The following PACS2 variants were observed in gnomAD, a reference collection of about 807,000 sequenced individuals.
PACS2 encodes the protein PACS1-like protein.
Under a neutral mutation model 113.0 loss-of-function variants are expected in PACS2, and 36 were observed. The observed-to-expected ratio is 0.32, with a 90% CI of 0.24 to 0.42. The LOEUF is 0.42. Ranked by LOEUF, PACS2 falls within the 10% of genes least tolerant of loss-of-function variation. The pLI is 1.00. For synonymous variants in PACS2, 589 were observed against 536.1 expected (o/e 1.10, Z -1.36); for missense variants, 1,015 against 1,239.5 (o/e 0.82, Z 2.72).
intron 1 of PACS2, among the ~76,000 whole-genome samples, chr14:105,331,353 C>T (rs868859915): frequency 1.3e-5 from 2 of 152,204 alleles, no homozygotes; most frequent in African/African-American, 4.8e-5. Flanking sequence ...GTGTTTATTA[C>T]GTATTTCCTC....
intron 1 of PACS2, among the ~76,000 whole-genome samples, chr14:105,328,724 G>A (rs1414260866): frequency 6.6e-6 from 1 of 152,182 alleles, no homozygotes. Context: ...TGGCAGCGGC[G>A]TCATTAGGAT....
intron 3 of PACS2, among the ~76,000 whole-genome samples, chr14:105,353,743 G>C (rs587667801): frequency 1.3e-5 from 2 of 152,068 alleles, no homozygotes; most frequent in East Asian, 2.0e-4. Context: ...ACAGGCATGT[G>C]CCACCACGCC....
upstream of PACS2, among the ~76,000 whole-genome samples, chr14:105,311,401 G>A (rs1301267033): frequency 1.3e-5 from 2 of 152,108 alleles, no homozygotes; most frequent in South Asian, 2.1e-4. Context: ...TCACAGATGC[G>A]CACCACCATG....
At chr14:105,328,464 C>T (rs1262362087) in intron 1 of PACS2, among the ~76,000 whole-genome samples, 3 of 152,200 alleles carry the variant, frequency 2.0e-5, no homozygotes, top group African/African-American at 4.8e-5. Flanking sequence ...ACGCTCCAGC[C>T]GCTGGGCCCA....
rs587680274 is a variant in PACS2, at chr14:105,348,548, C to T, written c.175C>T (p.Leu59=). The T allele has an allele frequency of 4.3e-6, 7 of 1,612,328 alleles. No homozygotes were observed. The East Asian group carries it at 1.6e-4, about 36-fold the overall frequency. The change falls in exon 2 of 25, where the codon CTG becomes TTG. Residue 59 remains leucine, a synonymous_variant. Coordinates refer to ENST00000447393, the MANE Select transcript of PACS2 (RefSeq NM_001100913.3). This position sits in a 1 kb window ranked among gnomAD's most constrained non-coding sequence, Gnocchi z 6.4. The part of the protein sequence containing the change: ...LVVFKELEKE[L]ISVVIAVKMQ... Reference sequence around the variant, plus strand: ...GGTCTTCAAGGAGCTGGAGAAGGAGCTGATCTCCGTGGTGATCGCTGTCAA... The same window carrying T: ...GGTCTTCAAGGAGCTGGAGAAGGAGTTGATCTCCGTGGTGATCGCTGTCAA...
At chr14:105,353,975 G>A (rs1031464308) in intron 3 of PACS2, among the ~76,000 whole-genome samples, 16 of 152,026 alleles carry the variant, frequency 1.1e-4, no homozygotes, top group Non-Finnish European at 2.2e-4. Context: ...ACTTCGGGAG[G>A]CCGAGGTAGG....
rs1555411520 is a variant in PACS2, at chr14:105,380,063, C to T, written c.1051-17C>T. 2 of 1,550,402 alleles carry T rather than the reference C, an allele frequency of 1.3e-6. No homozygotes were observed. The highest frequency in any genetic ancestry group is 1.7e-6 in the Non-Finnish European group (2 of 1,146,242). Reference sequence around the variant, plus strand: ...CTGCAGTTGAGCACAAGCTGATTCCCATCTCCTCCCCCACAGGCTGACGTG... The same window carrying T: ...CTGCAGTTGAGCACAAGCTGATTCCTATCTCCTCCCCCACAGGCTGACGTG... On this transcript the variant is annotated splice_polypyrimidine_tract_variant and intron_variant, in intron 10 of 24. Transcript: ENST00000447393.
chr14:105,339,662 C>T (rs1433501237), intron 1 of PACS2, among the ~76,000 whole-genome samples: 4 of 150,452 alleles, frequency 2.7e-5, no homozygotes, highest in Non-Finnish European at 4.4e-5. Context: ...CACCACTACA[C>T]TCTAGCCTAG....
chr14:105,365,742 C>T lies in PACS2; in HGVS notation c.424-1471C>T, dbSNP rs113865611. Among the ~76,000 whole-genome samples the T allele has an allele frequency of 2.3e-4, 35 of 152,254 alleles. No homozygotes were observed. The highest frequency in any genetic ancestry group is 7.7e-4 in the African/African-American group (32 of 41,554). On this transcript the variant is annotated intron_variant, in intron 4 of 24. Transcript: ENST00000447393. This position sits in a 1 kb window ranked among gnomAD's most constrained non-coding sequence, Gnocchi z 5.1. ...CCAGCAAGGGCTCAGCATTTCTGAC[C>T]GAGGGCTTCTGAGCTTCCAGGTTCT...
At chr14:105,362,228 C>CT (rs1274658852) in intron 4 of PACS2, among the ~76,000 whole-genome samples, 2 of 150,686 alleles carry the variant, frequency 1.3e-5, no homozygotes, top group Non-Finnish European at 2.9e-5. Context: ...ACCATCCTGG[C>CT]TAACACAGTG....
At chr14:105,377,211 G>C (rs1188524985) in intron 9 of PACS2, among the ~76,000 whole-genome samples, 1 of 152,180 alleles carries the variant, frequency 6.6e-6, no homozygotes, top group Non-Finnish European at 1.5e-5. Context: ...GGCTGGGCTG[G>C]GTGTGGCACC....
intron 2 of PACS2, among the ~76,000 whole-genome samples, chr14:105,351,094 C>T (rs587600820): frequency 3.9e-5 from 6 of 152,340 alleles, no homozygotes; most frequent in East Asian, 1.9e-4. Flanking sequence ...GACCCCCGCC[C>T]GCCCTCCAGC....
intron 1 of PACS2, among the ~76,000 whole-genome samples, chr14:105,326,169 G>A (rs1018704309): frequency 6.6e-6 from 1 of 152,234 alleles, no homozygotes; most frequent in African/African-American, 2.4e-5. Context: ...CTCCAGGGCC[G>A]CCTCGAGACC....
chr14:105,397,524 C>T lies in PACS2; in HGVS notation c.*2852C>T, dbSNP rs868980532. 2 of 152,304 alleles carry T rather than the reference C, an allele frequency of 1.3e-5. No individual in the cohort carries two copies. The highest frequency in any genetic ancestry group is 4.8e-5 in the African/African-American group (2 of 41,466). 9.4% of individuals were successfully genotyped at this position (152,304 alleles called of 1,614,324 possible). ...TGGCCACTGTCCACTATTACGTAGACAGACCCCACCCTCACCCAGGCCAGC... is the reference window on the plus strand; with the variant it reads ...TGGCCACTGTCCACTATTACGTAGATAGACCCCACCCTCACCCAGGCCAGC... On this transcript the variant is annotated 3_prime_UTR_variant, in exon 25 of 25. Coordinates refer to ENST00000447393, the MANE Select transcript of PACS2 (RefSeq NM_001100913.3).
In PACS2 at chr14:105,356,838, T is replaced by C. The variant is rs935844838; in HGVS notation, c.423+1661T>C. Among the ~76,000 whole-genome samples, 4 of 149,274 alleles carry C rather than the reference T, an allele frequency of 2.7e-5. No individual in the cohort carries two copies. The highest frequency in any genetic ancestry group is 4.4e-5 in the Non-Finnish European group (3 of 67,850). ...AGCCATGCAGGCGATGTCCTGCTGATCCCTGCCGGTCCCTGTGTTTCCCAT... is the reference window on the plus strand; with the variant it reads ...AGCCATGCAGGCGATGTCCTGCTGACCCCTGCCGGTCCCTGTGTTTCCCAT... On this transcript the variant is annotated intron_variant, in intron 4 of 24. Coordinates refer to ENST00000447393, the MANE Select transcript of PACS2 (RefSeq NM_001100913.3). The surrounding 1 kb of genome is among the most constrained non-coding windows in gnomAD (Gnocchi z 4.0).
rs2141332636 is a variant in PACS2 at position 105,394,839 on chromosome 14, A to G, written c.*167A>G. 1 of 611,812 alleles carries G rather than the reference A, an allele frequency of 1.6e-6. No individual in the cohort carries two copies. Among genetic ancestry groups the G allele is most frequent in the South Asian group, 1.9e-5 (1 of 53,486 alleles). 37.9% of individuals were successfully genotyped at this position (611,812 alleles called of 1,614,324 possible). A position where few individuals can be genotyped will look rare whatever the true frequency, so the allele number is the denominator to read the frequency against. ...GGAAACTAACGGGGGAGCTCCTGCCAGGAGCCGAATAACTGCTCTGCTTAT... is the reference window on the plus strand; with the variant it reads ...GGAAACTAACGGGGGAGCTCCTGCCGGGAGCCGAATAACTGCTCTGCTTAT... On this transcript the variant is annotated 3_prime_UTR_variant, in exon 25 of 25. Coordinates refer to ENST00000447393, the MANE Select transcript of PACS2 (RefSeq NM_001100913.3).
Position 105,323,973 on chromosome 14 carries a change from A to G in PACS2, c.119+8936A>G, listed in dbSNP as rs932735563. Among the ~76,000 whole-genome samples, 1 of 152,260 alleles carries G rather than the reference A, an allele frequency of 6.6e-6. No homozygotes were observed. Among genetic ancestry groups the G allele is most frequent in the Non-Finnish European group, 1.5e-5 (1 of 68,046 alleles). ...TGTGCCCTGCTTTCAAGATGCCTGGAAACCTCTGGCAGCTCTGTCCTGCTG... is the reference window on the plus strand; with the variant it reads ...TGTGCCCTGCTTTCAAGATGCCTGGGAACCTCTGGCAGCTCTGTCCTGCTG... On this transcript the variant is annotated intron_variant, in intron 1 of 24. Transcript: ENST00000447393. The surrounding 1 kb of genome is among the most constrained non-coding windows in gnomAD (Gnocchi z 4.1).
rs150534967 is a variant in PACS2 at position 105,369,926 on chromosome 14, C to T, written c.801+26C>T. 5.0e-4 allele frequency: 795 copies of T among 1,583,530 alleles called. 5 individuals carry two copies. In the East Asian group the frequency reaches 0.014, roughly 28 times the overall value. ...GTGAGTGCGCCGCGCCTTCTGCTCGCGGCCCCCACGCCTGCAACAGCACCT... is the reference window on the plus strand; with the variant it reads ...GTGAGTGCGCCGCGCCTTCTGCTCGTGGCCCCCACGCCTGCAACAGCACCT... On this transcript the variant is annotated intron_variant, in intron 8 of 24. Transcript: ENST00000447393.
chr14:105,389,649 G>A, intron 19 of PACS2: 1 of 413,172 alleles, frequency 2.4e-6, no homozygotes, highest in Admixed American at 3.5e-5. Flanking sequence ...TAGGATGGCA[G>A]AGTGAATCCC....
Sources: gnomAD v4.1 joint callset for allele counts (sites outside exome capture counted in the v4.1 genomes callset) on GRCh38, gnomAD v4.1.1 for gene constraint, Gnocchi (gnomAD v3.1) non-coding constraint, MANE v1.5 for transcripts, NCBI Gene and HGNC (gene_info 2026-07-23, HGNC 2026-07-21) for gene names.